The following RPA2 variants were observed in gnomAD, a reference collection of about 807,000 sequenced individuals.
The protein encoded by RPA2 is replication protein A2.
Under a neutral mutation model 33.4 loss-of-function variants are expected in RPA2, and 22 were observed. The ratio of observed to expected loss-of-function variants is 0.66; its 90% CI spans 0.47 to 0.94. The LOEUF is 0.94. Ranked by LOEUF, RPA2 falls within the 40% of genes least tolerant of loss-of-function variation. The pLI is 0.00. For missense variants in RPA2, 279 were observed against 329.9 expected (o/e 0.85, Z 1.19); for synonymous variants, 109 against 114.9 (o/e 0.95, Z 0.33).
At position 27,901,862 on chromosome 1, in the gene RPA2, A is replaced by C. The variant is rs75998206; in HGVS notation, c.334-4155T>G. Among the ~76,000 whole-genome samples, 181 of 152,022 alleles carry C rather than the reference A, an allele frequency of 1.2e-3. 4 individuals carry two copies. In the East Asian group the frequency reaches 0.027, roughly 23 times the overall value. On this transcript the variant is annotated intron_variant, in intron 4 of 8. Transcript: ENST00000373912. ...TGATCTTCCTGCCTAAGTCTCCTGA[A>C]GTGCTAAAGTTACAGGTGTGAGCCA...
chr1:27,912,220 T>C (rs945099453), intron 2 of RPA2, among the ~76,000 whole-genome samples: 2 of 151,872 alleles, frequency 1.3e-5, no homozygotes, highest in African/African-American at 4.8e-5. Context: ...CAAATTAACC[T>C]CACATTTATA....
intron 1 of RPA2, 31 bp downstream of exon 1, chr1:27,914,403 T>A (rs942234892): frequency 1.9e-6 from 3 of 1,612,798 alleles, no homozygotes; most frequent in Non-Finnish European, 2.5e-6. Context: ...TGCGATTCTC[T>A]TCCTCCTCCA....
intron 2 of RPA2, among the ~76,000 whole-genome samples, chr1:27,912,997 G>A (rs1375539844): frequency 5.3e-5 from 8 of 152,088 alleles, no homozygotes; most frequent in Non-Finnish European, 1.0e-4. Context: ...CTATCACCCA[G>A]GCTGGAGTGC....
At chr1:27,893,068 A>G (rs536409980) in intron 8 of RPA2, among the ~76,000 whole-genome samples, 41 of 152,344 alleles carry the variant, frequency 2.7e-4, no homozygotes, top group Non-Finnish European at 4.7e-4. Context: ...CAATGGGGAC[A>G]GTAACAGCAA....
chr1:27,901,424 G>GTGA, intron 4 of RPA2, among the ~76,000 whole-genome samples: 1 of 150,338 alleles, frequency 6.7e-6, no homozygotes, highest in South Asian at 2.1e-4. Context: ...GTGCAATGGC[G>GTGA]CGATCTCAGC....
intron 4 of RPA2, among the ~76,000 whole-genome samples, chr1:27,902,264 T>G (rs752036856): frequency 1.3e-5 from 2 of 148,846 alleles, no homozygotes; most frequent in African/African-American, 2.5e-5. Flanking sequence ...TTTTTTAATT[T>G]TTTTTATTAT....
intron 6 of RPA2, among the ~76,000 whole-genome samples, chr1:27,896,380 G>A (rs941154163): frequency 5.9e-5 from 9 of 151,708 alleles, no homozygotes; most frequent in African/African-American, 1.5e-4. Flanking sequence ...GTTGCCCAGC[G>A]TGGTGTCTTG....
intron 6 of RPA2, among the ~76,000 whole-genome samples, chr1:27,896,474 G>A (rs1186825412): frequency 6.6e-6 from 1 of 152,108 alleles, no homozygotes; most frequent in African/African-American, 2.4e-5. Context: ...TGCCCTGAGG[G>A]CTTTCTAATA....
rs28905180 is a variant in RPA2, at chr1:27,895,498, G to A, written c.526-1101C>T. Among the ~76,000 whole-genome samples, 116 of 152,128 alleles carry A rather than the reference G, an allele frequency of 7.6e-4. No homozygotes were observed. In the East Asian group the frequency reaches 0.017, roughly 23 times the overall value. ...AAGGAGGCTGAGACGGGCAGATCAC[G>A]AGGTCAGGAGATCGAGATCATCCTG... On this transcript the variant is annotated intron_variant, in intron 6 of 8. Transcript: ENST00000373912.
At position 27,894,056 on chromosome 1, in the gene RPA2, C is replaced by A; in HGVS notation, c.684G>T (p.Gln228His). 1 of 1,614,128 alleles carries A rather than the reference C, an allele frequency of 6.2e-7. No individual in the cohort carries two copies. Among genetic ancestry groups the A allele is most frequent in the Non-Finnish European group, 8.5e-7 (1 of 1,180,026 alleles). Residue 228 changes from glutamine to histidine, a missense_variant, in exon 8 of 9, where the codon CAG (glutamine) becomes CAT (histidine). Gln to His is a conservative substitution (Grantham distance 24). This residue lies in a region of RPA2 where 274 missense variants were observed against 310.3 expected (regional missense o/e 0.88). Coordinates refer to ENST00000373912, the MANE Select transcript of RPA2 (RefSeq NM_002946.5). ...ACPRPEGLNF[Q>H]DLKNQLKHMS... Reference sequence around the variant, plus strand: ...TGTGTTTCAGCTGGTTCTTGAGATCCTGAAAGTTCAACCCTTCAGGTCTTG... The same window carrying A: ...TGTGTTTCAGCTGGTTCTTGAGATCATGAAAGTTCAACCCTTCAGGTCTTG...
At chr1:27,903,864 T>TAAA (rs34163774) in intron 4 of RPA2, among the ~76,000 whole-genome samples, 16 of 92,844 alleles carry the variant, frequency 1.7e-4, no homozygotes, top group Admixed American at 1.1e-3. Flanking sequence ...TGTCTCTATT[T>TAAA]AAAAAAAAAA....
intron 8 of RPA2, among the ~76,000 whole-genome samples, 183 bp downstream of exon 8, chr1:27,893,829 G>A (rs976378439): frequency 5.3e-5 from 8 of 151,658 alleles, no homozygotes; most frequent in Admixed American, 2.0e-4. Context: ...GGCTGGTCTC[G>A]AACTCCTGAC....
At chr1:27,906,806 G>GT in intron 4 of RPA2, 122 bp downstream of exon 4, 1 of 644,608 alleles carries the variant, frequency 1.6e-6, no homozygotes. Flanking sequence ...TTACTTTAGA[G>GT]TATCTGTCTT....
rs1355632521 is a variant in RPA2 at position 27,897,613 on chromosome 1, T to G, written c.408+20A>C. 6.4e-7 allele frequency: 1 copy of G among 1,571,910 alleles called. No individual in the cohort carries two copies. The highest frequency in any genetic ancestry group is 2.3e-5 in the East Asian group (1 of 43,398). On this transcript the variant is annotated intron_variant, in intron 5 of 8. Transcript: ENST00000373912. ...GCTTCATGCAAAAACACTTTAACTGTTATTTTATTCTGACTTTACCTGAAA... is the reference window on the plus strand; with the variant it reads ...GCTTCATGCAAAAACACTTTAACTGGTATTTTATTCTGACTTTACCTGAAA...
chr1:27,895,650 G>C lies in RPA2; in HGVS notation c.526-1253C>G, dbSNP rs988223183. Among the ~76,000 whole-genome samples, 4 of 151,974 alleles carry C rather than the reference G, an allele frequency of 2.6e-5. No individual in the cohort carries two copies. In the East Asian group the frequency reaches 5.8e-4, roughly 22 times the overall value. Reference sequence around the variant, plus strand: ...GGAGGCTGAGGCAGGAGAATGGCGTGAACCCGGGAGGCGGAGCTTGCAGTG... The same window carrying C: ...GGAGGCTGAGGCAGGAGAATGGCGTCAACCCGGGAGGCGGAGCTTGCAGTG... On this transcript the variant is annotated intron_variant, in intron 6 of 8. Transcript: ENST00000373912.
chr1:27,906,778 G>C, intron 4 of RPA2, 150 bp downstream of exon 4: 1 of 583,332 alleles, frequency 1.7e-6, no homozygotes, highest in Non-Finnish European at 3.0e-6. Context: ...AAGGTATATA[G>C]TCAAATCTAC....
chr1:27,893,273 C>A (rs1236170356), intron 8 of RPA2, among the ~76,000 whole-genome samples: 1 of 152,138 alleles, frequency 6.6e-6, no homozygotes, highest in Non-Finnish European at 1.5e-5. Flanking sequence ...TTTTCCATAG[C>A]TGAACGATTT....
intron 6 of RPA2, among the ~76,000 whole-genome samples, 159 bp from the exon 7 acceptor site, chr1:27,894,556 G>A (rs1449326185): frequency 6.6e-6 from 1 of 152,182 alleles, no homozygotes; most frequent in Non-Finnish European, 1.5e-5. Flanking sequence ...ATTATCTAAT[G>A]AGTATTTCAC....
intron 1 of RPA2, 61 bp downstream of exon 1, chr1:27,914,373 G>T (rs774084696): frequency 1.2e-6 from 2 of 1,613,686 alleles, no homozygotes; most frequent in African/African-American, 1.3e-5. Flanking sequence ...CCCTAGGCTC[G>T]CCCTCTTGCT....
Sources: allele counts gnomAD v4.1 joint callset (sites outside exome capture counted in the v4.1 genomes callset), GRCh38; gene constraint gnomAD v4.1.1; regional missense constraint gnomAD v4.1.1; transcripts MANE v1.5; gene names NCBI Gene and HGNC (gene_info 2026-07-23, HGNC 2026-07-21).